Variants in MAGI2 observed in about 807,000 individuals in gnomAD.
MAGI2 encodes the protein membrane associated guanylate kinase, WW and PDZ domain containing 2, also known as membrane-associated guanylate kinase, WW and PDZ domain-containing protein 2.
A neutral mutation model predicts 133.3 loss-of-function variants in MAGI2; 35 were observed. The observed-to-expected ratio is 0.26, with a 90% CI of 0.20 to 0.35. The LOEUF (loss-of-function observed/expected upper bound fraction) is 0.35, where lower values mean the gene tolerates loss of function less well. Among genes scored for constraint, MAGI2 ranks in the 10% least tolerant of loss-of-function variants. The pLI is 1.00. For synonymous variants in MAGI2, 729 were observed against 710.6 expected (o/e 1.03, Z -0.41); for missense variants, 1,636 against 1,863.4 (o/e 0.88, Z 2.25).
chr7:78,735,619 C>A (rs1338390686), intron 2 of MAGI2, among the ~76,000 whole-genome samples: 1 of 152,130 alleles, frequency 6.6e-6, no homozygotes, highest in Non-Finnish European at 1.5e-5. Flanking sequence ...CAAATCTTTG[C>A]AAAACATATT....
chr7:78,955,739 T>TCC (rs1454125650), intron 2 of MAGI2, among the ~76,000 whole-genome samples: 90 of 58,700 alleles, frequency 1.5e-3, no homozygotes, highest in African/African-American at 4.9e-3. Context: ...CTTTCTTTCT[T>TCC]TCTTTCTTTC....
chr7:78,439,724 C>T lies in MAGI2; in HGVS notation c.1045+50037G>A, dbSNP rs570229129. 2.6e-5 allele frequency among the ~76,000 whole-genome samples: 4 copies of T among 152,256 alleles called. No individual in the cohort carries two copies. The East Asian group carries it at 5.8e-4, about 22-fold the overall frequency. On this transcript the variant is annotated intron_variant, in intron 6 of 21. Coordinates refer to ENST00000354212, the MANE Select transcript of MAGI2 (RefSeq NM_012301.4). ...TATTTTAGAACTCTATTTCTCACTG[C>T]TTATTAAGATATTTTCACCCGAATT...
Position 78,360,052 on chromosome 7 carries a change from G to A in MAGI2, c.1103+9104C>T, listed in dbSNP as rs190157205. On this transcript the variant is annotated intron_variant, in intron 7 of 21. Coordinates refer to ENST00000354212, the MANE Select transcript of MAGI2 (RefSeq NM_012301.4). Reference sequence around the variant, plus strand: ...TAAAGAGATGAATTATAGTTCTCATGTGGGGATGAGGTAGTAATGTATTTT... The same window carrying A: ...TAAAGAGATGAATTATAGTTCTCATATGGGGATGAGGTAGTAATGTATTTT... Among the ~76,000 whole-genome samples, 195 of 152,352 alleles carry A rather than the reference G, an allele frequency of 1.3e-3. 1 individual carries two copies. The highest frequency in any genetic ancestry group is 4.3e-3 in the African/African-American group (178 of 41,584).
intron 2 of MAGI2, among the ~76,000 whole-genome samples, chr7:78,916,214 GT>G (rs1169852450): frequency 1.3e-5 from 2 of 151,792 alleles, no homozygotes; most frequent in Non-Finnish European, 2.9e-5. Flanking sequence ...ATATCTTGGG[GT>G]TTTTTTAAAT....
intron 10 of MAGI2, among the ~76,000 whole-genome samples, chr7:78,233,593 C>T (rs1313135379): frequency 6.6e-6 from 1 of 151,834 alleles, no homozygotes; most frequent in East Asian, 1.9e-4. Flanking sequence ...AAATTTGGCC[C>T]AGGATGAAAG....
intron 6 of MAGI2, among the ~76,000 whole-genome samples, chr7:78,398,289 G>T (rs915054495): frequency 2.6e-5 from 4 of 151,946 alleles, no homozygotes; most frequent in Admixed American, 6.6e-5. Flanking sequence ...AACTCATGCG[G>T]CTTTTTTTGT....
intron 1 of MAGI2, among the ~76,000 whole-genome samples, chr7:79,114,993 T>C (rs1562905215): frequency 1.3e-5 from 2 of 152,354 alleles, no homozygotes; most frequent in Non-Finnish European, 1.5e-5. Context: ...TTGGTGTATA[T>C]GACTTTCATC....
chr7:78,422,218 G>C lies in MAGI2; in HGVS notation c.1046-53005C>G, dbSNP rs549541839. Among the ~76,000 whole-genome samples, 12 of 152,236 alleles carry C rather than the reference G, an allele frequency of 7.9e-5. No individual in the cohort carries two copies. In the South Asian group the frequency reaches 2.5e-3, roughly 32 times the overall value. On this transcript the variant is annotated intron_variant, in intron 6 of 21. Transcript: ENST00000354212. ...TGGAGCAGGGATGAACTCACACAGA[G>C]TGCCTATACCTTATGCCAGCTGCGG...
At chr7:78,130,431 A>G (rs3807714) in intron 18 of MAGI2, among the ~76,000 whole-genome samples, 17,848 of 152,300 alleles carry the variant, frequency 0.12, 1,387 homozygotes, top group Non-Finnish European at 0.18. Context: ...AAATGAAGAA[A>G]TAGGAAATTC....
chr7:78,225,253 C>T (rs936647025), intron 10 of MAGI2, among the ~76,000 whole-genome samples: 1 of 152,206 alleles, frequency 6.6e-6, no homozygotes, highest in Admixed American at 6.5e-5. Context: ...GCCTCTCAGA[C>T]CATTGCTAGA....
chr7:78,786,292 C>T (rs1384349714), intron 2 of MAGI2, among the ~76,000 whole-genome samples: 9 of 152,178 alleles, frequency 5.9e-5, no homozygotes, highest in Non-Finnish European at 1.0e-4. Context: ...AAGCTACTCT[C>T]ATGTGTAATA....
chr7:78,882,558 GA>G (rs1438524834), intron 2 of MAGI2, among the ~76,000 whole-genome samples: 6 of 151,676 alleles, frequency 4.0e-5, no homozygotes, highest in Admixed American at 3.9e-4. Flanking sequence ...AAGACACAAT[GA>G]AAAAAGAAAA....
At chr7:78,699,834 G>T (rs1817885686) in intron 2 of MAGI2, among the ~76,000 whole-genome samples, 1 of 151,878 alleles carries the variant, frequency 6.6e-6, no homozygotes, top group Non-Finnish European at 1.5e-5. Context: ...TGAGTACCAA[G>T]AAACTTTCAA....
chr7:78,531,024 T>C (rs1797422017), intron 3 of MAGI2, among the ~76,000 whole-genome samples: 1 of 152,148 alleles, frequency 6.6e-6, no homozygotes, highest in African/African-American at 2.4e-5. Flanking sequence ...TAGTAAGGGC[T>C]CCTGGGAGGG....
At chr7:78,611,657 C>T (rs1299501523) in intron 3 of MAGI2, among the ~76,000 whole-genome samples, 1 of 152,138 alleles carries the variant, frequency 6.6e-6, no homozygotes, top group Non-Finnish European at 1.5e-5. Flanking sequence ...TAGTTGACAT[C>T]AAAGAGATAA....
intron 16 of MAGI2, among the ~76,000 whole-genome samples, chr7:78,144,799 G>A (rs962241335): frequency 2.0e-5 from 3 of 152,136 alleles, no homozygotes; most frequent in African/African-American, 7.2e-5. Flanking sequence ...CGTGCAGAAC[G>A]TGCAGGTTTG....
chr7:78,188,888 T>C (rs1243296502), intron 12 of MAGI2, among the ~76,000 whole-genome samples: 1 of 152,186 alleles, frequency 6.6e-6, no homozygotes, highest in Non-Finnish European at 1.5e-5. Flanking sequence ...AGGCTTGAGC[T>C]GAAAGATTTC....
At chr7:78,847,915 G>T (rs1214884005) in intron 2 of MAGI2, among the ~76,000 whole-genome samples, 2 of 151,916 alleles carry the variant, frequency 1.3e-5, no homozygotes, top group Non-Finnish European at 2.9e-5. Flanking sequence ...CTGGCATATG[G>T]TAAGTATTTA....
rs373828981 is a variant in MAGI2, at chr7:78,107,570, G to C, written c.3567+18124C>G. 3.3e-5 allele frequency among the ~76,000 whole-genome samples: 5 copies of C among 152,046 alleles called. No homozygotes were observed. In the East Asian group the frequency reaches 9.7e-4, roughly 29 times the overall value. Reference sequence around the variant, plus strand: ...AGAGATCTTTCAGTTCTTTGGTTAAGTTTATTTCTAGGCATTTTATTTTAT... The same window carrying C: ...AGAGATCTTTCAGTTCTTTGGTTAACTTTATTTCTAGGCATTTTATTTTAT... On this transcript the variant is annotated intron_variant, in intron 20 of 21. Coordinates refer to ENST00000354212, the MANE Select transcript of MAGI2 (RefSeq NM_012301.4).
Sources: allele counts gnomAD v4.1 joint callset (sites outside exome capture counted in the v4.1 genomes callset), GRCh38; gene constraint gnomAD v4.1.1; transcripts MANE v1.5; gene names NCBI Gene and HGNC (gene_info 2026-07-23, HGNC 2026-07-21).